FSD1L: variants seen among roughly 807,000 people sequenced by gnomAD.
The protein encoded by FSD1L is fibronectin type III and SPRY domain containing 1 like.
In FSD1L, 45 loss-of-function variants were observed where a neutral mutation model predicts 71.6. The observed-to-expected ratio is 0.63, with a 90% CI of 0.49 to 0.81. FSD1L has a LOEUF of 0.81. FSD1L is among the 30% of genes least tolerant of loss of function. FSD1L has a pLI of 0.00. For missense variants in FSD1L, 561 were observed against 618.1 expected, an observed-to-expected ratio of 0.91 and a Z score of 0.98; for synonymous variants, 197 against 207.2, an observed-to-expected ratio of 0.95 and a Z score of 0.42.
Position 105,539,159 on chromosome 9 carries a change from TGCC to T in FSD1L, c.1379-103_1379-101del, listed in dbSNP as rs1331656825. On this transcript the variant is annotated intron_variant, in intron 12 of 13. Coordinates refer to ENST00000481272, the MANE Select transcript of FSD1L (RefSeq NM_001145313.3). The stretch of plus-strand genomic sequence containing the variant: ...AATCCAGTCCTCATACAAAAATTAA[TGCC>T]AACTTATATATTATTACTTTTTGCA... The T allele has an allele frequency of 6.5e-4, 398 of 611,950 alleles. 3 individuals carry two copies. The African/African-American group carries it at 6.6e-3, about 10-fold the overall frequency. The allele number at this position is 611,950 out of a possible 1,614,324, so 37.9% of individuals were successfully genotyped here. A position where few individuals can be genotyped will look rare whatever the true frequency, so the allele number is the denominator to read the frequency against.
chr9:105,475,028 T>C (rs747741438), intron 5 of FSD1L, among the ~76,000 whole-genome samples: 33 of 152,338 alleles, frequency 2.2e-4, no homozygotes, highest in Non-Finnish European at 4.1e-4. Context: ...TTCCTGGACT[T>C]AATAAATTGG....
chr9:105,545,422 T>G (rs910337654), intron 13 of FSD1L, among the ~76,000 whole-genome samples: 1 of 145,736 alleles, frequency 6.9e-6, no homozygotes, highest in African/African-American at 2.7e-5. Context: ...TATTTCTTTC[T>G]CCTGCCTGAT....
At chr9:105,446,531 A>ATT (rs113095314), upstream of FSD1L, among the ~76,000 whole-genome samples, 67 of 144,510 alleles carry the variant, frequency 4.6e-4, no homozygotes, top group African/African-American at 1.6e-3. Context: ...CGTCTGGCTA[A>ATT]TTTTTTTTTT....
At chr9:105,442,687 C>CAAA in the FSD1L span, among the ~76,000 whole-genome samples, 1 of 147,178 alleles carries the variant, frequency 6.8e-6, no homozygotes, top group Non-Finnish European at 1.5e-5. Flanking sequence ...GACCCTGTCT[C>CAAA]AAAGAAAAAA....
intron 5 of FSD1L, among the ~76,000 whole-genome samples, chr9:105,479,012 G>C (rs962687241): frequency 6.6e-6 from 1 of 152,194 alleles, no homozygotes; most frequent in Non-Finnish European, 1.5e-5. Context: ...GAGATTGGTT[G>C]CTCTAGTTGA....
upstream of FSD1L, among the ~76,000 whole-genome samples, chr9:105,447,324 C>CA (rs35514046): frequency 0.26 from 15,690 of 61,200 alleles, 2,031 homozygotes; most frequent in East Asian, 0.5. Flanking sequence ...ACTCCATCTC[C>CA]AAAAAAAAAA....
At chr9:105,448,013 C>T (rs1829722246), upstream of FSD1L, 1 of 594,474 alleles carries the variant, frequency 1.7e-6, no homozygotes, top group Non-Finnish European at 3.0e-6. Flanking sequence ...GCTCCTCAGC[C>T]CCTCCCTTCT....
At chr9:105,497,645 G>A (rs946752767) in intron 7 of FSD1L, among the ~76,000 whole-genome samples, 15 of 152,170 alleles carry the variant, frequency 9.9e-5, no homozygotes, top group African/African-American at 3.4e-4. Flanking sequence ...TGGACATAGA[G>A]TTATTCACAG....
At chr9:105,507,026 T>C (rs1024770327) in intron 8 of FSD1L, among the ~76,000 whole-genome samples, 4 of 152,180 alleles carry the variant, frequency 2.6e-5, no homozygotes, top group African/African-American at 9.7e-5. Flanking sequence ...ATTTGTAACA[T>C]AGTGAAACAG....
At chr9:105,476,467 T>G (rs1831810155) in intron 5 of FSD1L, among the ~76,000 whole-genome samples, 2 of 152,244 alleles carry the variant, frequency 1.3e-5, no homozygotes, top group African/African-American at 4.8e-5. Flanking sequence ...TTCCAAGATT[T>G]ACCACTGCTC....
intron 10 of FSD1L, among the ~76,000 whole-genome samples, chr9:105,526,569 C>A (rs997517490): frequency 6.6e-6 from 1 of 152,230 alleles, no homozygotes; most frequent in Non-Finnish European, 1.5e-5. Flanking sequence ...CAGTAGCCAC[C>A]TTAGCATGAA....
intron 8 of FSD1L, among the ~76,000 whole-genome samples, chr9:105,508,229 G>A (rs977160706): frequency 4.4e-5 from 6 of 137,324 alleles, no homozygotes; most frequent in Non-Finnish European, 7.6e-5. Flanking sequence ...CCAGACTGGT[G>A]TGCAGTGGCG....
rs532090203 is a variant in FSD1L, at chr9:105,550,472, G to C, written c.*3989G>C. 2.6e-5 allele frequency: 4 copies of C among 152,118 alleles called. No individual in the cohort carries two copies. Among genetic ancestry groups the C allele is most frequent in the Admixed American group, 2.6e-4 (4 of 15,268 alleles). The allele number at this position is 152,118 out of a possible 1,614,324, so 9.4% of individuals were successfully genotyped here. The stretch of plus-strand genomic sequence containing the variant: ...GCACTGGAGTATTATAAGAGATCAT[G>C]AATGTTTCCTTAATTATCATGGCAA... On this transcript the variant is annotated 3_prime_UTR_variant, in exon 14 of 14. Coordinates refer to ENST00000481272, the MANE Select transcript of FSD1L (RefSeq NM_001145313.3).
intron 1 of FSD1L, among the ~76,000 whole-genome samples, chr9:105,459,916 A>C (rs1186476454): frequency 6.6e-6 from 1 of 152,142 alleles, no homozygotes; most frequent in African/African-American, 2.4e-5. Flanking sequence ...CAGTTTTGGC[A>C]TTAGGGTAAA....
rs114189235 is a variant in FSD1L at position 105,460,669 on chromosome 9, A to G, written c.16-851A>G. Among the ~76,000 whole-genome samples the G allele has an allele frequency of 1.9e-3, 282 of 152,124 alleles. 2 individuals are homozygous for G. The highest frequency in any genetic ancestry group is 6.5e-3 in the African/African-American group (270 of 41,502). Reference sequence around the variant, plus strand: ...GAGGTATGCGATAGTATCATAGAAAATGGAAGGCATTATTCTGATGATTCT... The same window carrying G: ...GAGGTATGCGATAGTATCATAGAAAGTGGAAGGCATTATTCTGATGATTCT... On this transcript the variant is annotated intron_variant, in intron 1 of 13. Transcript: ENST00000481272.
chr9:105,479,208 A>G, intron 5 of FSD1L, 146 bp from the exon 6 acceptor site: 1 of 621,906 alleles, frequency 1.6e-6, no homozygotes. Context: ...CTATACACAT[A>G]AATTTTCTAT....
intron 12 of FSD1L, 45 bp from the exon 13 acceptor site, chr9:105,539,218 C>A: frequency 3.4e-6 from 3 of 886,974 alleles, no homozygotes; most frequent in Non-Finnish European, 5.1e-6. Flanking sequence ...TTAAATGTTA[C>A]AATTTTTTGT....
intron 13 of FSD1L, among the ~76,000 whole-genome samples, chr9:105,544,166 C>A (rs1836821287): frequency 6.6e-6 from 1 of 152,220 alleles, no homozygotes; most frequent in East Asian, 1.9e-4. Context: ...TTTTGATTTA[C>A]ATTTCTCTGA....
intron 10 of FSD1L, among the ~76,000 whole-genome samples, chr9:105,515,162 A>G (rs1175372079): frequency 1.3e-5 from 2 of 151,940 alleles, no homozygotes; most frequent in African/African-American, 2.4e-5. Context: ...AGCTCACCCT[A>G]CCCTGTGCCC....
Sources: gnomAD v4.1 joint callset for allele counts (sites outside exome capture counted in the v4.1 genomes callset) on GRCh38, gnomAD v4.1.1 for gene constraint, MANE v1.5 for transcripts, NCBI Gene and HGNC (gene_info 2026-07-23, HGNC 2026-07-21) for gene names.